The following C9orf72 variants were observed in gnomAD, a reference collection of about 807,000 sequenced individuals.
C9orf72 encodes guanine nucleotide exchange factor C9orf72.
A neutral mutation model predicts 51.6 loss-of-function variants in C9orf72; 44 were observed. That is an observed-to-expected ratio of 0.85 (90% CI 0.67 to 1.10). The LOEUF (loss-of-function observed/expected upper bound fraction) is 1.10. Among genes scored for constraint, C9orf72 ranks in the 50% least tolerant of loss-of-function variants. The pLI is 0.00. For synonymous variants in C9orf72, 213 were observed against 194.2 expected (o/e 1.10, Z -0.81); for missense variants, 607 against 570.6 (o/e 1.06, Z -0.65).
Position 27,556,658 on chromosome 9 carries a change from T to G in C9orf72, c.994A>C (p.Met332Leu). 1 of 1,613,946 alleles carries G rather than the reference T, an allele frequency of 6.2e-7. No homozygotes were observed. Among genetic ancestry groups the G allele is most frequent in the Non-Finnish European group, 8.5e-7 (1 of 1,179,846 alleles). ...CAGAAGGCTGTCAGCTCGGATCTCA[T>G]GTATCTACGCTGATTATAAATATGT... ...HEHIYNQRRYMRSELTAFWRA... is the reference protein window; with the variant it reads ...HEHIYNQRRYLRSELTAFWRA... Residue 332 changes from methionine (M) to leucine (L), a missense_variant, in exon 8 of 11, where the codon ATG (methionine) becomes CTG (leucine). Coordinates refer to ENST00000380003, the MANE Select transcript of C9orf72 (RefSeq NM_018325.5).
intron 6 of C9orf72, chr9:27,558,865 G>C: frequency 3.3e-6 from 1 of 304,846 alleles, no homozygotes; most frequent in Admixed American, 4.9e-5. Flanking sequence ...TACATACTGT[G>C]ACTCTTCAGG....
intron 3 of C9orf72, among the ~76,000 whole-genome samples, chr9:27,564,881 A>G (rs1021141538): frequency 1.3e-5 from 2 of 152,274 alleles, no homozygotes; most frequent in Admixed American, 6.5e-5. Flanking sequence ...TCTGCTTTAC[A>G]GTGAAATAGT....
chr9:27,566,911 T>C lies in C9orf72; in HGVS notation c.210A>G (p.Glu70=), dbSNP rs765159535. 2 of 1,614,112 alleles carry C rather than the reference T, an allele frequency of 1.2e-6. No individual in the cohort carries two copies. Among genetic ancestry groups the C allele is most frequent in the Non-Finnish European group, 1.7e-6 (2 of 1,179,940 alleles). ...TFLANHTLNG[E]ILRNAESGAI... is the part of the protein sequence containing the mutation. ...CACCACTCTCTGCATTTCGAAGGAT[T>C]TCTCCATTTAGAGTGTGGTTGGCAA... Residue 70 remains glutamate (E), a synonymous_variant, in exon 2 of 11, where the codon GAA becomes GAG. Transcript: ENST00000380003.
chr9:27,571,630 A>AT (rs1406847587), intron 1 of C9orf72, among the ~76,000 whole-genome samples: 2 of 151,970 alleles, frequency 1.3e-5, no homozygotes, highest in Non-Finnish European at 2.9e-5. Context: ...TAAGTTTTTA[A>AT]TTTTTTGTAG....
chr9:27,572,636 C>T (rs2282240), intron 1 of C9orf72, among the ~76,000 whole-genome samples: 35,947 of 152,026 alleles, frequency 0.24, 5,153 homozygotes, highest in East Asian at 0.48. Context: ...GAAAGGGCCA[C>T]CCCTCCTGGG....
rs566017366 is a variant in C9orf72 at position 27,563,498 on chromosome 9, T to C, written c.505-1022A>G. On this transcript the variant is annotated intron_variant, in intron 3 of 10. Transcript: ENST00000380003. The stretch of plus-strand genomic sequence containing the variant: ...TTAGCTAAACATATTTTTTAAATCA[T>C]ACATTATTTAAGATGAATTTAATAC... 2.5e-4 allele frequency among the ~76,000 whole-genome samples: 38 copies of C among 152,312 alleles called. No homozygotes were observed. The South Asian group carries it at 7.7e-3, about 31-fold the overall frequency.
At position 27,567,025 on chromosome 9, in the gene C9orf72, G is replaced by A. The variant is rs769904411; in HGVS notation, c.96C>T (p.Tyr32=). The change falls in exon 2 of 11, where the codon TAC becomes TAT. Residue 32 remains tyrosine (Y), a synonymous_variant. Coordinates refer to ENST00000380003, the MANE Select transcript of C9orf72 (RefSeq NM_018325.5). ...CTCTAGGACCAAGAATATTGTCCCA[G>A]TAAGCAAAAGTAGCTGCTAATAAAG... The part of the protein sequence containing the change: ...KSPLLAATFA[Y]WDNILGPRVR... The A allele has an allele frequency of 2.5e-6, 4 of 1,614,024 alleles. No individual in the cohort carries two copies. The Admixed American group carries it at 5.0e-5, about 20-fold the overall frequency.
chr9:27,548,505 A>G, intron 10 of C9orf72, 52 bp downstream of exon 10: 1 of 1,464,990 alleles, frequency 6.8e-7, no homozygotes, highest in Non-Finnish European at 9.3e-7. Context: ...AAGGAAACAA[A>G]ACAAAAAAAC....
chr9:27,562,472 T>A lies in C9orf72; in HGVS notation c.509A>T (p.Gln170Leu), dbSNP rs1444543733. The change falls in exon 4 of 11, where the codon CAG (glutamine) becomes CTG (leucine). Residue 170 changes from glutamine to leucine, a missense_variant. Coordinates refer to ENST00000380003, the MANE Select transcript of C9orf72 (RefSeq NM_018325.5). ...TCCAGTAAGCATTGGAATAATACTCTGACCCTGCACAATAAAGTGACATGA... is the reference window on the plus strand; with the variant it reads ...TCCAGTAAGCATTGGAATAATACTCAGACCCTGCACAATAAAGTGACATGA... ...EGTERMEDQG[Q>L]SIIPMLTGEV... is the part of the protein sequence containing the mutation. 1 of 1,544,644 alleles carries A rather than the reference T, an allele frequency of 6.5e-7. No homozygotes were observed. The highest frequency in any genetic ancestry group is 2.4e-5 in the East Asian group (1 of 42,314).
Position 27,546,651 on chromosome 9 carries a change from T to C in C9orf72, c.*1585A>G, listed in dbSNP as rs1335318937. 3 of 152,214 alleles carry C rather than the reference T, an allele frequency of 2.0e-5. No individual in the cohort carries two copies. Among genetic ancestry groups the C allele is most frequent in the Non-Finnish European group, 4.4e-5 (3 of 68,024 alleles). 9.4% of individuals were successfully genotyped at this position (152,214 alleles called of 1,614,324 possible). A position where few individuals can be genotyped will look rare whatever the true frequency, so the allele number is the denominator to read the frequency against. ...TTATTTCACTGTACAACTTACATTC[T>C]GTATAACAGTACAATAAACCAGCCA... On this transcript the variant is annotated 3_prime_UTR_variant, in exon 11 of 11. Transcript: ENST00000380003.
At chr9:27,564,156 CAAAAA>C (rs11438223) in intron 3 of C9orf72, among the ~76,000 whole-genome samples, 4 of 86,724 alleles carry the variant, frequency 4.6e-5, no homozygotes, top group East Asian at 3.7e-4. Flanking sequence ...TCAACAACAC[CAAAAA>C]AAAAAAAAAA....
chr9:27,568,588 C>T (rs1209359402), intron 1 of C9orf72, among the ~76,000 whole-genome samples: 1 of 152,110 alleles, frequency 6.6e-6, no homozygotes, highest in African/African-American at 2.4e-5. Flanking sequence ...TGCCATGTAA[C>T]GTTTCAGTCA....
chr9:27,564,275 G>T (rs1425917083), intron 3 of C9orf72, among the ~76,000 whole-genome samples: 1 of 151,366 alleles, frequency 6.6e-6, no homozygotes, highest in Non-Finnish European at 1.5e-5. Context: ...TCAGCAGTAA[G>T]ATAACATTTT....
intron 1 of C9orf72, among the ~76,000 whole-genome samples, chr9:27,569,659 T>C (rs76602706): frequency 0.022 from 3,302 of 152,310 alleles, 56 homozygotes; most frequent in Middle Eastern, 0.048. Flanking sequence ...CGCCTAATGA[T>C]GCATTCCTAA....
At chr9:27,567,818 G>A (rs1819502599) in intron 1 of C9orf72, among the ~76,000 whole-genome samples, 1 of 152,130 alleles carries the variant, frequency 6.6e-6, no homozygotes, top group Non-Finnish European at 1.5e-5. Flanking sequence ...ACAAAAGGCA[G>A]ATACTGGATT....
At chr9:27,554,247 A>G (rs903961046) in intron 8 of C9orf72, among the ~76,000 whole-genome samples, 1 of 152,238 alleles carries the variant, frequency 6.6e-6, no homozygotes, top group Non-Finnish European at 1.5e-5. Flanking sequence ...TCATGATAAC[A>G]AAGACAGGGA....
At chr9:27,563,768 G>A (rs1187397982) in intron 3 of C9orf72, among the ~76,000 whole-genome samples, 1 of 151,928 alleles carries the variant, frequency 6.6e-6, no homozygotes, top group Non-Finnish European at 1.5e-5. Flanking sequence ...CCATCCTTTA[G>A]TAACCTCCAC....
chr9:27,557,078 G>T (rs115451478), intron 7 of C9orf72, among the ~76,000 whole-genome samples: 55 of 152,240 alleles, frequency 3.6e-4, no homozygotes, highest in African/African-American at 1.3e-3. Context: ...GTTGAAGTTT[G>T]TGTTGATATT....
At chr9:27,557,548 A>C (rs1819235734) in intron 7 of C9orf72, among the ~76,000 whole-genome samples, 1 of 152,116 alleles carries the variant, frequency 6.6e-6, no homozygotes, top group Non-Finnish European at 1.5e-5. Context: ...ATAGTTTTGA[A>C]ATTTCCTCTA....
Sources: gnomAD v4.1 joint callset for allele counts (sites outside exome capture counted in the v4.1 genomes callset) on GRCh38, gnomAD v4.1.1 for gene constraint, MANE v1.5 for transcripts, NCBI Gene and HGNC (gene_info 2026-07-23, HGNC 2026-07-21) for gene names.